Variants in NREP observed in about 807,000 individuals in gnomAD.
NREP encodes the protein neuronal regeneration-related protein.
NREP carries 5 observed loss-of-function variants against 8.6 expected under a neutral mutation model. That is an observed-to-expected ratio of 0.58 (90% CI 0.30 to 1.22). The LOEUF is 1.22. NREP is among the 50% of genes most tolerant of loss of function. NREP has a pLI of 0.07. For missense variants in NREP, 86 were observed against 82.5 expected (o/e 1.04, Z -0.17); for synonymous variants, 27 against 28.0 (o/e 0.96, Z 0.11).
intron 2 of NREP, among the ~76,000 whole-genome samples, chr5:111,956,545 T>C (rs1229281918): frequency 1.3e-5 from 2 of 152,058 alleles, no homozygotes; most frequent in Non-Finnish European, 2.9e-5. Context: ...ATATAAACTT[T>C]AAAAAATTCT....
chr5:111,892,355 A>C (rs1754414275), intron 2 of NREP, among the ~76,000 whole-genome samples: 1 of 152,178 alleles, frequency 6.6e-6, no homozygotes, highest in Non-Finnish European at 1.5e-5. Flanking sequence ...AACAAAAAAC[A>C]TTAAATGGAA....
At chr5:111,735,385 C>T in intron 3 of NREP, 45 bp downstream of exon 3, 1 of 1,295,340 alleles carries the variant, frequency 7.7e-7, no homozygotes, top group Non-Finnish European at 1.1e-6. Context: ...ACAATTGTTT[C>T]TATATTGAAA....
rs563778462 is a variant in NREP, at chr5:111,744,591, G to A, written c.4-9084C>T. ...GGATATGCCCCTGCACACCACCTGG[G>A]TTTTCAACCCCTCTGGGTGGAGCCA... On this transcript the variant is annotated intron_variant, in intron 2 of 3. Coordinates refer to ENST00000257435, the MANE Select transcript of NREP (RefSeq NM_004772.4). Among the ~76,000 whole-genome samples the A allele has an allele frequency of 5.4e-4, 82 of 152,260 alleles. 1 individual carries two copies. Among genetic ancestry groups the A allele is most frequent in the African/African-American group, 1.5e-3 (64 of 41,574 alleles).
intron 2 of NREP, among the ~76,000 whole-genome samples, chr5:111,901,866 C>G (rs1754655075): frequency 6.6e-6 from 1 of 152,118 alleles, no homozygotes; most frequent in African/African-American, 2.4e-5. Flanking sequence ...GTTAAAACGA[C>G]TGTACTACTC....
chr5:111,758,247 G>A (rs1226870371), upstream of NREP: 2 of 985,430 alleles, frequency 2.0e-6, no homozygotes, highest in Non-Finnish European at 2.4e-6. Flanking sequence ...ACAGTCACAC[G>A]CGCACAACCA....
chr5:111,854,902 C>T (rs530288262), intron 2 of NREP, among the ~76,000 whole-genome samples: 5 of 152,128 alleles, frequency 3.3e-5, no homozygotes, highest in Admixed American at 1.3e-4. Context: ...TCAGTTTTTA[C>T]GTAAATAATA....
chr5:111,952,980 T>G (rs1756207377), intron 2 of NREP, among the ~76,000 whole-genome samples: 1 of 152,128 alleles, frequency 6.6e-6, no homozygotes, highest in Non-Finnish European at 1.5e-5. Flanking sequence ...CATGAAGACA[T>G]GAGTCCCTGC....
At chr5:111,830,793 TG>T (rs1427594804) in intron 2 of NREP, among the ~76,000 whole-genome samples, 5 of 152,196 alleles carry the variant, frequency 3.3e-5, no homozygotes, top group Non-Finnish European at 7.3e-5. Flanking sequence ...CCATGAAGGA[TG>T]GGGACACCAT....
intron 2 of NREP, among the ~76,000 whole-genome samples, chr5:111,854,686 A>G (rs1006273989): frequency 6.6e-6 from 1 of 152,100 alleles, no homozygotes; most frequent in Non-Finnish European, 1.5e-5. Flanking sequence ...CTCAATTTCT[A>G]TTTTTTCATT....
At chr5:111,892,041 T>C (rs900997590) in intron 2 of NREP, among the ~76,000 whole-genome samples, 1 of 151,766 alleles carries the variant, frequency 6.6e-6, no homozygotes, top group Admixed American at 6.6e-5. Context: ...AAGCAATAAG[T>C]AGAAAAGTAA....
Position 111,731,067 on chromosome 5 carries a change from C to CA in NREP, c.82-22dup, listed in dbSNP as rs559191357. The CA allele has an allele frequency of 1.2e-3, 1,879 of 1,612,648 alleles. 2 individuals are homozygous for CA. The highest frequency in any genetic ancestry group is 1.5e-3 in the Non-Finnish European group (1,779 of 1,179,248). On this transcript the variant is annotated intron_variant, in intron 3 of 3. Coordinates refer to ENST00000257435, the MANE Select transcript of NREP (RefSeq NM_004772.4). ...CTTCCCTGCAAAGCAGGCAGACCCA[C>CA]ACACAGACAGACACACATAAAAGAC...
intron 2 of NREP, among the ~76,000 whole-genome samples, chr5:111,793,950 C>T (rs1213068473): frequency 2.6e-5 from 4 of 152,044 alleles, no homozygotes; most frequent in Non-Finnish European, 5.9e-5. Flanking sequence ...CCCAGCTACT[C>T]GAGAGGCTGA....
chr5:111,935,926 T>C (rs1013925387), intron 2 of NREP, among the ~76,000 whole-genome samples: 2 of 152,126 alleles, frequency 1.3e-5, no homozygotes, highest in Non-Finnish European at 2.9e-5. Context: ...AGTCCAAAAC[T>C]GAGGTGTTAA....
chr5:111,851,403 G>C (rs2112468092), intron 2 of NREP, among the ~76,000 whole-genome samples: 1 of 152,154 alleles, frequency 6.6e-6, no homozygotes, highest in South Asian at 2.1e-4. Flanking sequence ...GCTTTCCTAA[G>C]GTTACCAAAG....
chr5:111,829,536 T>C (rs1428013662), intron 2 of NREP, among the ~76,000 whole-genome samples: 2 of 152,232 alleles, frequency 1.3e-5, no homozygotes, highest in Non-Finnish European at 2.9e-5. Flanking sequence ...CTTTAGGTTT[T>C]TGACCTTTGA....
chr5:111,846,516 CAT>C (rs906685635), intron 2 of NREP: 2 of 141,248 alleles, frequency 1.4e-5, no homozygotes, highest in Non-Finnish European at 3.0e-5. Context: ...AGGCTTAGCT[CAT>C]TGATCTCTTG....
intron 2 of NREP, among the ~76,000 whole-genome samples, chr5:111,794,410 C>T (rs77350136): frequency 0.022 from 3,415 of 152,282 alleles, 57 homozygotes; most frequent in Middle Eastern, 0.034. Flanking sequence ...ATTGCCAAAA[C>T]TTGGAAACAA....
intron 2 of NREP, among the ~76,000 whole-genome samples, chr5:111,752,818 A>T (rs568665189): frequency 6.6e-6 from 1 of 152,328 alleles, no homozygotes; most frequent in South Asian, 2.1e-4. Context: ...GAAGGCAATC[A>T]TGTTGAAAAC....
intron 2 of NREP, among the ~76,000 whole-genome samples, chr5:111,789,069 A>G (rs980046608): frequency 5.3e-5 from 8 of 152,176 alleles, no homozygotes; most frequent in Non-Finnish European, 1.0e-4. Flanking sequence ...GCCCACCTCC[A>G]TAACTGTGTG....
Sources: allele counts gnomAD v4.1 joint callset (sites outside exome capture counted in the v4.1 genomes callset), GRCh38; gene constraint gnomAD v4.1.1; transcripts MANE v1.5; gene names NCBI Gene and HGNC (gene_info 2026-07-23, HGNC 2026-07-21).